ARL10: variants seen among roughly 807,000 people sequenced by gnomAD.
The protein encoded by ARL10 is ARF like GTPase 10, also known as ADP-ribosylation factor-like protein 10.
Under a neutral mutation model 26.1 loss-of-function variants are expected in ARL10, and 23 were observed. That is an observed-to-expected ratio of 0.88 (90% CI 0.63 to 1.25). The LOEUF (loss-of-function observed/expected upper bound fraction) is 1.25, where lower values mean the gene tolerates loss of function less well. Among genes scored for constraint, ARL10 ranks in the 50% most tolerant of loss-of-function variants. The pLI, the probability that ARL10 is intolerant of heterozygous loss-of-function variation, is 0.00. For synonymous variants in ARL10, 138 were observed against 149.1 expected, an observed-to-expected ratio of 0.93 and a Z score of 0.54; for missense variants, 300 against 323.6, an observed-to-expected ratio of 0.93 and a Z score of 0.56.
the ARL10 span, among the ~76,000 whole-genome samples, chr5:176,414,034 T>A: frequency 2.0e-5 from 3 of 152,222 alleles, no homozygotes; most frequent in South Asian, 6.2e-4. Flanking sequence ...AGCCCCACCA[T>A]CCTGGGAGAG....
chr5:176,396,180 C>G (rs558442454), intron 1 of ARL10, among the ~76,000 whole-genome samples: 1 of 152,270 alleles, frequency 6.6e-6, no homozygotes, highest in African/African-American at 2.4e-5. Flanking sequence ...CAAGAGACAT[C>G]ACAGAGGGAG....
At chr5:176,399,109 G>A (rs148654790) in intron 1 of ARL10, among the ~76,000 whole-genome samples, 1 of 152,216 alleles carries the variant, frequency 6.6e-6, no homozygotes, top group African/African-American at 2.4e-5. Flanking sequence ...CTCCCCAAGT[G>A]CTGGGATTAC....
At chr5:176,401,542 A>G (rs1049733002) in intron 1 of ARL10, among the ~76,000 whole-genome samples, 1 of 152,156 alleles carries the variant, frequency 6.6e-6, no homozygotes, top group Non-Finnish European at 1.5e-5. Flanking sequence ...GTGCCCTTGT[A>G]GGGGAGGAGG....
downstream of ARL10, chr5:176,386,658 A>T: frequency 1.4e-6 from 1 of 699,004 alleles, no homozygotes; most frequent in South Asian, 1.5e-5. Context: ...GTCAGGGTTT[A>T]GTCAGTACAA....
In ARL10 at chr5:176,378,576, C is replaced by A. The variant is rs1268750678; in HGVS notation, c.*6681C>A. 6.6e-6 allele frequency: 1 copy of A among 152,224 alleles called. No individual in the cohort carries two copies. Among genetic ancestry groups the A allele is most frequent in the Non-Finnish European group, 1.5e-5 (1 of 68,042 alleles). The allele number at this position is 152,224 out of a possible 1,614,324, so 9.4% of individuals were successfully genotyped here. On this transcript the variant is annotated 3_prime_UTR_variant, in exon 4 of 4. Transcript: ENST00000310389. The stretch of plus-strand genomic sequence containing the variant: ...CATAGCATGTCTGCTATGTATATAG[C>A]ATTTTCTGATTTCCCTTTAGCTATA...
chr5:176,392,502 C>T (rs2113614472), downstream of ARL10: 1 of 441,888 alleles, frequency 2.3e-6, no homozygotes, highest in Non-Finnish European at 4.1e-6. This position sits in a 1 kb window ranked among gnomAD's most constrained non-coding sequence, Gnocchi z 5.2. Context: ...TAAAAAGAGT[C>T]AACAACACAC....
chr5:176,397,666 G>T, intron 1 of ARL10: 1 of 1,613,312 alleles, frequency 6.2e-7, no homozygotes, highest in Non-Finnish European at 8.5e-7. Flanking sequence ...ACTCCTCCAG[G>T]TCCTTCTTGG....
the ARL10 span, among the ~76,000 whole-genome samples, chr5:176,413,821 C>T: frequency 6.6e-6 from 1 of 152,230 alleles, no homozygotes; most frequent in Non-Finnish European, 1.5e-5. Context: ...CCCTGCTCCC[C>T]GATCCAACTA....
At chr5:176,384,819 G>A (rs1422883073), downstream of ARL10, 5 of 415,172 alleles carry the variant, frequency 1.2e-5, no homozygotes, top group Non-Finnish European at 2.1e-5. Context: ...GGGAGGAGCT[G>A]GGGCCAGCTG....
rs1768398853 is a variant in ARL10 at position 176,368,382 on chromosome 5, G to A, written c.386-425G>A. ...GTAGGAGAAAGCTAGGAATTAGCAA[G>A]AGGCAAAGCCAGACAACCCAGGGGA... On this transcript the variant is annotated intron_variant, in intron 2 of 3. Coordinates refer to ENST00000310389, the MANE Select transcript of ARL10 (RefSeq NM_173664.6). The surrounding 1 kb of genome is among the most constrained non-coding windows in gnomAD (Gnocchi z 4.1). Among the ~76,000 whole-genome samples, 1 of 152,110 alleles carries A rather than the reference G, an allele frequency of 6.6e-6. No homozygotes were observed. The highest frequency in any genetic ancestry group is 2.1e-4 in the South Asian group (1 of 4,826).
rs1450159078 is a variant in ARL10, at chr5:176,381,377, T to C, written c.*9482T>C. On this transcript the variant is annotated 3_prime_UTR_variant, in exon 4 of 4. Coordinates refer to ENST00000310389, the MANE Select transcript of ARL10 (RefSeq NM_173664.6). ...CATGGTCACTCAGTGCTCCTGGAGG[T>C]TGCTGAAGTTATACTTTGGATCCTA... The C allele has an allele frequency of 1.3e-5, 2 of 152,132 alleles. No homozygotes were observed. The highest frequency in any genetic ancestry group is 3.8e-4 in the East Asian group (2 of 5,196). The allele number at this position is 152,132 out of a possible 1,614,324, so 9.4% of individuals were successfully genotyped here.
chr5:176,404,746 C>T (rs1013242588), downstream of ARL10, among the ~76,000 whole-genome samples: 1 of 152,214 alleles, frequency 6.6e-6, no homozygotes, highest in Non-Finnish European at 1.5e-5. Context: ...TCTCCTGGCA[C>T]GTCCCTTTGT....
intron 3 of ARL10, among the ~76,000 whole-genome samples, chr5:176,369,427 T>C (rs1185448682): frequency 6.6e-6 from 1 of 152,020 alleles, no homozygotes; most frequent in African/African-American, 2.4e-5. Flanking sequence ...GAGGTGGAGT[T>C]TTGCCATGTT....
chr5:176,406,447 G>A, downstream of ARL10: 2 of 1,180,494 alleles, frequency 1.7e-6, no homozygotes, highest in Non-Finnish European at 2.1e-6. Flanking sequence ...AAGAGGATGA[G>A]CCACATCCTT....
At chr5:176,371,358 G>A (rs1768534582) in intron 3 of ARL10, among the ~76,000 whole-genome samples, 1 of 152,348 alleles carries the variant, frequency 6.6e-6, no homozygotes, top group East Asian at 1.9e-4. Flanking sequence ...ACTCCAGCCT[G>A]GGTGACAGAG....
rs1191960441 is a variant in ARL10 at position 176,381,576 on chromosome 5, G to A, written c.*9681G>A. The A allele has an allele frequency of 6.6e-6, 1 of 152,250 alleles. No individual in the cohort carries two copies. The allele number at this position is 152,250 out of a possible 1,614,324, so 9.4% of individuals were successfully genotyped here. A position where few individuals can be genotyped will look rare whatever the true frequency, so the allele number is the denominator to read the frequency against. On this transcript the variant is annotated 3_prime_UTR_variant, in exon 4 of 4. Coordinates refer to ENST00000310389, the MANE Select transcript of ARL10 (RefSeq NM_173664.6). The stretch of plus-strand genomic sequence containing the variant: ...TTGGCATACAGAGATAGCCTGACTG[G>A]CTGCAGTCTGGCGTCTGCCTTCTTT...
Position 176,371,791 on chromosome 5 carries a change from C to A in ARL10, c.631C>A (p.Arg211=), listed in dbSNP as rs147770445. 4 of 1,614,086 alleles carry A rather than the reference C, an allele frequency of 2.5e-6. No homozygotes were observed. Among genetic ancestry groups the A allele is most frequent in the Non-Finnish European group, 3.4e-6 (4 of 1,180,046 alleles). ...ELGLQAIDNQ[R]EVFLLAASIA... is the part of the protein sequence containing the mutation. ...GGGTCTACAGGCTATCGATAACCAGCGGGAGGTTTTCCTCTTGGCAGCCAG... is the reference window on the plus strand; with the variant it reads ...GGGTCTACAGGCTATCGATAACCAGAGGGAGGTTTTCCTCTTGGCAGCCAG... Residue 211 remains arginine, a synonymous_variant, in exon 4 of 4, where the codon CGG becomes AGG. Transcript: ENST00000310389.
chr5:176,385,465 A>G (rs953592857), downstream of ARL10: 1 of 620,362 alleles, frequency 1.6e-6, no homozygotes, highest in African/African-American at 1.8e-5. Context: ...TTGCCTCCCC[A>G]TTCCCAAATC....
At chr5:176,397,690 T>C (rs1756611036) in intron 1 of ARL10, 1 of 1,613,714 alleles carries the variant, frequency 6.2e-7, no homozygotes, top group Non-Finnish European at 8.5e-7. Flanking sequence ...TCTCCCGCCA[T>C]TCCTGTTCCG....
Sources: allele counts gnomAD v4.1 joint callset (sites outside exome capture counted in the v4.1 genomes callset), GRCh38; gene constraint gnomAD v4.1.1; non-coding constraint Gnocchi (gnomAD v3.1); transcripts MANE v1.5; gene names NCBI Gene and HGNC (gene_info 2026-07-23, HGNC 2026-07-21).